AGAP1: variants seen among roughly 807,000 people sequenced by gnomAD.
The protein encoded by AGAP1 is ArfGAP with GTPase domain, ankyrin repeat and PH domain 1.
Under a neutral mutation model 105.3 loss-of-function variants are expected in AGAP1, and 29 were observed. The ratio of observed to expected loss-of-function variants is 0.28; its 90% confidence interval spans 0.21 to 0.38. The LOEUF (loss-of-function observed/expected upper bound fraction) is 0.38. AGAP1 is among the 10% of genes least tolerant of loss of function. The pLI, the probability that AGAP1 is intolerant of heterozygous loss-of-function variation, is 1.00. For synonymous variants in AGAP1, 509 were observed against 485.9 expected, an observed-to-expected ratio of 1.05 and a Z score of -0.63; for missense variants, 998 against 1,165.1, an observed-to-expected ratio of 0.86 and a Z score of 2.09.
At chr2:235,832,043 C>T (rs1336765157) in intron 9 of AGAP1, among the ~76,000 whole-genome samples, 1 of 152,164 alleles carries the variant, frequency 6.6e-6, no homozygotes, top group Non-Finnish European at 1.5e-5. Context: ...TTTTCATTTG[C>T]AGTTACCTAA....
intron 8 of AGAP1, among the ~76,000 whole-genome samples, chr2:235,804,459 A>G (rs1196747018): frequency 1.3e-5 from 2 of 152,164 alleles, no homozygotes; most frequent in African/African-American, 4.8e-5. Flanking sequence ...AATGGCATTT[A>G]TTTGTTTTTG....
chr2:235,821,033 G>A (rs1391970258), intron 9 of AGAP1, among the ~76,000 whole-genome samples: 1 of 152,170 alleles, frequency 6.6e-6, no homozygotes, highest in Non-Finnish European at 1.5e-5. Context: ...TTGTCCCAGT[G>A]ATCTGTCTTC....
chr2:235,927,317 ACT>A lies in AGAP1; in HGVS notation c.1325-3442_1325-3441del, dbSNP rs1204849892. Among the ~76,000 whole-genome samples, 5 of 151,924 alleles carry A rather than the reference ACT, an allele frequency of 3.3e-5. No homozygotes were observed. The highest frequency in any genetic ancestry group is 3.3e-4 in the Admixed American group (5 of 15,258). ...GAGGTTCCAGGTTGGTTCCTTGGGG[ACT>A]CTCTCAGGAGGCAGAAGGTGGGCTC... is the stretch of plus-strand genomic sequence containing the variant. On this transcript the variant is annotated intron_variant, in intron 11 of 17. Coordinates refer to ENST00000304032, the MANE Select transcript of AGAP1 (RefSeq NM_001037131.3). The surrounding 1 kb of genome is among the most constrained non-coding windows in gnomAD (Gnocchi z 4.4).
Position 235,747,597 on chromosome 2 carries a change from C to T in AGAP1, c.539-2757C>T, listed in dbSNP as rs1953065341. Among the ~76,000 whole-genome samples, 1 of 152,234 alleles carries T rather than the reference C, an allele frequency of 6.6e-6. No individual in the cohort carries two copies. The highest frequency in any genetic ancestry group is 2.4e-5 in the African/African-American group (1 of 41,462). ...GGCTGTATTCCTCACCTGCGGGATT[C>T]TCTTGGTCCTTCCCTAGACTTCAGG... On this transcript the variant is annotated intron_variant, in intron 5 of 17. Transcript: ENST00000304032. The surrounding 1 kb of genome is among the most constrained non-coding windows in gnomAD (Gnocchi z 5.0).
At position 235,933,625 on chromosome 2, in the gene AGAP1, C is replaced by T. The variant is rs1023224716; in HGVS notation, c.1483+2702C>T. Among the ~76,000 whole-genome samples, 9 of 151,676 alleles carry T rather than the reference C, an allele frequency of 5.9e-5. 1 individual carries two copies. Among genetic ancestry groups the T allele is most frequent in the Admixed American group, 2.6e-4 (4 of 15,216 alleles). On this transcript the variant is annotated intron_variant, in intron 12 of 17. Coordinates refer to ENST00000304032, the MANE Select transcript of AGAP1 (RefSeq NM_001037131.3). ...CCGGCTCACTGCAACCTCCGCCTCCCGGACTCAAGCAGTTCTCCTGCCTCA... is the reference window on the plus strand; with the variant it reads ...CCGGCTCACTGCAACCTCCGCCTCCTGGACTCAAGCAGTTCTCCTGCCTCA...
chr2:235,685,757 C>T (rs546622408), intron 1 of AGAP1, among the ~76,000 whole-genome samples: 18 of 152,148 alleles, frequency 1.2e-4, no homozygotes, highest in Admixed American at 1.2e-3. Flanking sequence ...AGACGGGTCT[C>T]AGTTAATCTT....
intron 6 of AGAP1, among the ~76,000 whole-genome samples, chr2:235,765,215 G>T (rs1318487195): frequency 2.7e-5 from 3 of 110,044 alleles, no homozygotes; most frequent in Non-Finnish European, 5.7e-5. Flanking sequence ...GAGCGTCCGT[G>T]GGGTTGGGGG....
At chr2:235,624,816 G>A (rs2149276337) in intron 1 of AGAP1, among the ~76,000 whole-genome samples, 2 of 152,250 alleles carry the variant, frequency 1.3e-5, no homozygotes, top group East Asian at 3.9e-4. Flanking sequence ...GAATGGTTCA[G>A]CACCATCCCC....
At chr2:235,573,753 C>T (rs1944648148) in intron 1 of AGAP1, among the ~76,000 whole-genome samples, 1 of 152,218 alleles carries the variant, frequency 6.6e-6, no homozygotes, top group Non-Finnish European at 1.5e-5. Flanking sequence ...GGCAGGTGTG[C>T]CCCGGCTCAT....
intron 6 of AGAP1, among the ~76,000 whole-genome samples, chr2:235,778,757 C>T (rs1235823362): frequency 6.6e-6 from 1 of 152,214 alleles, no homozygotes; most frequent in Admixed American, 6.5e-5. Context: ...ATGACGGTGG[C>T]CTCTGATGGC....
At chr2:235,541,678 C>T (rs13426348) in intron 1 of AGAP1, among the ~76,000 whole-genome samples, 3,396 of 152,216 alleles carry the variant, frequency 0.022, 142 homozygotes, top group African/African-American at 0.077. Flanking sequence ...CGTGAGCCAC[C>T]GTGCCCGGCC....
chr2:235,543,583 CG>C (rs2149100174), intron 1 of AGAP1, among the ~76,000 whole-genome samples: 1 of 152,296 alleles, frequency 6.6e-6, no homozygotes, highest in Admixed American at 6.5e-5. Context: ...GGTGTTTCCC[CG>C]GCCTCTCCCC....
intron 1 of AGAP1, among the ~76,000 whole-genome samples, chr2:235,571,468 G>A (rs1398005708): frequency 6.6e-6 from 1 of 152,204 alleles, no homozygotes; most frequent in African/African-American, 2.4e-5. Flanking sequence ...TGCTGCTGAT[G>A]GCTGCCTTAT....
chr2:235,945,801 C>G (rs1196750576), intron 12 of AGAP1, among the ~76,000 whole-genome samples: 3 of 147,650 alleles, frequency 2.0e-5, no homozygotes, highest in African/African-American at 7.9e-5. Flanking sequence ...AAATGTGATG[C>G]TGGCGTCTGC....
chr2:236,022,221 G>A (rs957540260), intron 13 of AGAP1, among the ~76,000 whole-genome samples: 6 of 152,088 alleles, frequency 3.9e-5, no homozygotes, highest in Middle Eastern at 3.2e-3. Context: ...GAACCTTCCC[G>A]TGGTAATATT....
In AGAP1 at chr2:235,930,699, C is replaced by G. The variant is rs2052679920; in HGVS notation, c.1325-66C>G. The stretch of plus-strand genomic sequence containing the variant: ...TGTGCCAGCGTGTGGGTCCCATAGA[C>G]TAACTCGCGCTGGTTTCTGTGGTCT... On this transcript the variant is annotated intron_variant, in intron 11 of 17. Coordinates refer to ENST00000304032, the MANE Select transcript of AGAP1 (RefSeq NM_001037131.3). This position sits in a 1 kb window ranked among gnomAD's most constrained non-coding sequence, Gnocchi z 7.9. The G allele has an allele frequency of 6.5e-7, 1 of 1,529,076 alleles. No homozygotes were observed. Among genetic ancestry groups the G allele is most frequent in the Non-Finnish European group, 8.9e-7 (1 of 1,127,834 alleles). The allele number at this position is 1,529,076 out of a possible 1,614,324, so 94.7% of individuals were successfully genotyped here. A position where few individuals can be genotyped will look rare whatever the true frequency, so the allele number is the denominator to read the frequency against.
intron 10 of AGAP1, among the ~76,000 whole-genome samples, chr2:235,894,328 A>G (rs1046169658): frequency 1.3e-5 from 2 of 152,170 alleles, no homozygotes; most frequent in Admixed American, 6.5e-5. Context: ...GCCTACACTC[A>G]CATCCTTGAG....
chr2:235,799,414 A>T lies in AGAP1; in HGVS notation c.849A>T (p.Pro283=), dbSNP rs369599695. ...TAAGCGACTATTCCTCCTCCGTTCC[A>T]TCGACTCCCAGCACCAGCCAGAAGG... ...GSLSDYSSSV[P]STPSTSQKEL... The change falls in exon 8 of 18, where the codon CCA becomes CCT. Residue 283 remains proline, a synonymous_variant. Coordinates refer to ENST00000304032, the MANE Select transcript of AGAP1 (RefSeq NM_001037131.3). The surrounding 1 kb of genome is among the most constrained non-coding windows in gnomAD (Gnocchi z 5.0). 4 of 1,614,130 alleles carry T rather than the reference A, an allele frequency of 2.5e-6. No individual in the cohort carries two copies. In the South Asian group the frequency reaches 3.3e-5, roughly 13 times the overall value.
In AGAP1 at chr2:235,639,753, A is replaced by G. The variant is rs1559307240; in HGVS notation, c.164-69426A>G. ...TCTCAAAATCAGCACATGCCATCCC[A>G]CATTCTAGACCATCCAGTTTTGCTT... On this transcript the variant is annotated intron_variant, in intron 1 of 17. Transcript: ENST00000304032. This position sits in a 1 kb window ranked among gnomAD's most constrained non-coding sequence, Gnocchi z 5.3. Among the ~76,000 whole-genome samples, 7 of 152,118 alleles carry G rather than the reference A, an allele frequency of 4.6e-5. No individual in the cohort carries two copies.
Sources: allele counts gnomAD v4.1 joint callset (sites outside exome capture counted in the v4.1 genomes callset), GRCh38; gene constraint gnomAD v4.1.1; non-coding constraint Gnocchi (gnomAD v3.1); transcripts MANE v1.5; gene names NCBI Gene and HGNC (gene_info 2026-07-23, HGNC 2026-07-21).